Variants in MRTFB observed in about 807,000 individuals in gnomAD.
MRTFB encodes the protein myocardin related transcription factor B, also known as myocardin-related transcription factor B.
Under a neutral mutation model 104.2 loss-of-function variants are expected in MRTFB, and 29 were observed. The ratio of observed to expected loss-of-function variants is 0.28; its 90% CI spans 0.21 to 0.38. MRTFB has a LOEUF of 0.38. Ranked by LOEUF, MRTFB falls within the 10% of genes least tolerant of loss-of-function variation. The probability of loss-of-function intolerance (pLI) is 1.00; values close to 1 mark genes in which losing one functional copy is unlikely to be tolerated. For missense variants in MRTFB, 1,270 were observed against 1,341.6 expected, an observed-to-expected ratio of 0.95 and a Z score of 0.83; for synonymous variants, 535 against 519.5, an observed-to-expected ratio of 1.03 and a Z score of -0.41.
chr16:14,017,614 T>C, the MRTFB span, among the ~76,000 whole-genome samples: 1 of 76,834 alleles, frequency 1.3e-5, no homozygotes, highest in East Asian at 3.1e-4. Context: ...TATATATATA[T>C]ATATATATAT....
chr16:14,219,080 A>G (rs1158080754), intron 8 of MRTFB, 82 bp downstream of exon 8: 1 of 1,290,990 alleles, frequency 7.7e-7, no homozygotes, highest in Non-Finnish European at 1.0e-6. Context: ...CACTTTGACC[A>G]GAAGAAAATT....
At chr16:14,210,031 T>C (rs1324873988) in intron 3 of MRTFB, among the ~76,000 whole-genome samples, 1 of 152,212 alleles carries the variant, frequency 6.6e-6, no homozygotes, top group Non-Finnish European at 1.5e-5. Flanking sequence ...AACCAAAAAA[T>C]TTATACTGTG....
the MRTFB span, among the ~76,000 whole-genome samples, chr16:14,043,432 C>T: frequency 3.9e-5 from 6 of 151,984 alleles, no homozygotes; most frequent in African/African-American, 7.3e-5. Flanking sequence ...CGGGTGGTCT[C>T]GGTGCTGTGG....
chr16:14,133,260 G>C lies in MRTFB; in HGVS notation c.-63-7284G>C, dbSNP rs185563502. The stretch of plus-strand genomic sequence containing the variant: ...CAAATGAACTGATATTTATGCACTC[G>C]ATAATTCAAGAAAAATGTTTTCAGA... On this transcript the variant is annotated intron_variant, in intron 2 of 16. Transcript: ENST00000571589. Among the ~76,000 whole-genome samples the C allele has an allele frequency of 2.1e-3, 319 of 152,300 alleles. 1 individual carries two copies. The highest frequency in any genetic ancestry group is 0.014 in the Middle Eastern group (4 of 294).
intron 3 of MRTFB, among the ~76,000 whole-genome samples, chr16:14,205,983 T>G (rs182144345): frequency 6.6e-6 from 1 of 152,166 alleles, no homozygotes; most frequent in South Asian, 2.1e-4. Flanking sequence ...GCTACAGATA[T>G]GAAATCTTGT....
chr16:14,081,526 C>A (rs1259796733), intron 2 of MRTFB, among the ~76,000 whole-genome samples: 1 of 152,158 alleles, frequency 6.6e-6, no homozygotes, highest in Non-Finnish European at 1.5e-5. Flanking sequence ...CTCCTGACCT[C>A]CGATGATCCA....
chr16:14,161,085 C>CTTTTTTTTTT lies in MRTFB; in HGVS notation c.154+20342_154+20351dup, dbSNP rs57360069. On this transcript the variant is annotated intron_variant, in intron 3 of 16. Transcript: ENST00000571589. ...TCTGTTTTAGTAGGTAATGCCAGGACTTTTTTTTTTTTTTTTTTTTTTTTT... is the reference window on the plus strand; with the variant it reads ...TCTGTTTTAGTAGGTAATGCCAGGACTTTTTTTTTTTTTTTTTTTTTTTTTTTTTTTTTTT... Among the ~76,000 whole-genome samples, 28 of 53,124 alleles carry CTTTTTTTTTT rather than the reference C, an allele frequency of 5.3e-4. 10 individuals carry two copies. The highest frequency in any genetic ancestry group is 1.5e-3 in the East Asian group (2 of 1,348). 34.9% of individuals were successfully genotyped at this position (53,124 alleles called of 152,430 possible).
At chr16:13,995,647 C>T in the MRTFB span, among the ~76,000 whole-genome samples, 1 of 152,200 alleles carries the variant, frequency 6.6e-6, no homozygotes, top group East Asian at 1.9e-4. Context: ...CATGGTTCCA[C>T]AGGCTGTGCA....
the MRTFB span, among the ~76,000 whole-genome samples, chr16:14,015,666 G>A: frequency 6.6e-6 from 1 of 152,284 alleles, no homozygotes; most frequent in African/African-American, 2.4e-5. Context: ...GTGGCACCAG[G>A]AATGGATCGT....
rs532013584 is a variant in MRTFB at position 14,162,412 on chromosome 16, C to G, written c.154+21652C>G. 3.3e-5 allele frequency among the ~76,000 whole-genome samples: 5 copies of G among 152,158 alleles called. No individual in the cohort carries two copies. The East Asian group carries it at 9.7e-4, about 29-fold the overall frequency. On this transcript the variant is annotated intron_variant, in intron 3 of 16. Coordinates refer to ENST00000571589, the MANE Select transcript of MRTFB (RefSeq NM_001308142.2). ...TGTTTTGTAGGTACTGTCAGCAATT[C>G]TATATGGTTCATTCTACTAGGCTGT...
At chr16:14,067,654 G>A (rs918335407), upstream of MRTFB, among the ~76,000 whole-genome samples, 6 of 152,112 alleles carry the variant, frequency 3.9e-5, no homozygotes, top group African/African-American at 1.4e-4. Flanking sequence ...TCCTATAAAA[G>A]CAGAGTCCTT....
chr16:14,240,932 G>A lies in MRTFB; in HGVS notation c.1079+448G>A, dbSNP rs1197133391. On this transcript the variant is annotated intron_variant, in intron 10 of 16. Coordinates refer to ENST00000571589, the MANE Select transcript of MRTFB (RefSeq NM_001308142.2). The stretch of plus-strand genomic sequence containing the variant: ...CTCGAGAAGGGCCTTTCCAGGCACA[G>A]GGGAATGCTGTGAGCACTAGTACAG... 9.9e-6 allele frequency: 6 copies of A among 608,014 alleles called. No individual in the cohort carries two copies. In the East Asian group the frequency reaches 1.4e-4, roughly 14 times the overall value. The allele number at this position is 608,014 out of a possible 1,614,324, so 37.7% of individuals were successfully genotyped here.
chr16:14,146,137 G>A (rs1567381846), intron 3 of MRTFB, among the ~76,000 whole-genome samples: 1 of 152,184 alleles, frequency 6.6e-6, no homozygotes, highest in Non-Finnish European at 1.5e-5. Flanking sequence ...AATACTTTAT[G>A]GTATGTCTTG....
the MRTFB span, among the ~76,000 whole-genome samples, chr16:14,031,699 G>A: frequency 6.6e-6 from 1 of 152,184 alleles, no homozygotes; most frequent in East Asian, 1.9e-4. Flanking sequence ...CATCATGTGT[G>A]ACAATATTTG....
chr16:14,221,659 A>C (rs1345265644), intron 8 of MRTFB, among the ~76,000 whole-genome samples: 1 of 152,122 alleles, frequency 6.6e-6, no homozygotes, highest in African/African-American at 2.4e-5. Flanking sequence ...TGAGATTCTT[A>C]ATTTTTAATC....
At chr16:14,104,283 TTC>T (rs1421120633) in intron 2 of MRTFB, among the ~76,000 whole-genome samples, 5 of 152,192 alleles carry the variant, frequency 3.3e-5, no homozygotes, top group African/African-American at 1.2e-4. Flanking sequence ...AATGAGCACT[TTC>T]TCTTTCATTA....
At chr16:14,119,811 C>T (rs911841918) in intron 2 of MRTFB, among the ~76,000 whole-genome samples, 12 of 152,040 alleles carry the variant, frequency 7.9e-5, no homozygotes, top group Admixed American at 1.3e-4. Flanking sequence ...ATAATGGCCT[C>T]GCATAGCAGC....
chr16:14,248,446 CA>C (rs1255824065), intron 12 of MRTFB: 1 of 152,334 alleles, frequency 6.6e-6, no homozygotes, highest in Non-Finnish European at 1.5e-5. Flanking sequence ...TTTTTTGGTC[CA>C]AATCTTCCAT....
At chr16:14,195,320 A>G (rs981829555) in intron 3 of MRTFB, among the ~76,000 whole-genome samples, 1 of 152,212 alleles carries the variant, frequency 6.6e-6, no homozygotes, top group Non-Finnish European at 1.5e-5. Context: ...TGCTTGGTCC[A>G]TCATCGTCTG....
Sources: allele counts gnomAD v4.1 joint callset (sites outside exome capture counted in the v4.1 genomes callset), GRCh38; gene constraint gnomAD v4.1.1; transcripts MANE v1.5; gene names NCBI Gene and HGNC (gene_info 2026-07-23, HGNC 2026-07-21).